Variants in CERKL observed in about 807,000 individuals in gnomAD.
The protein encoded by CERKL is CERK like autophagy regulator.
A neutral mutation model predicts 63.4 loss-of-function variants in CERKL; 61 were observed. The observed-to-expected ratio is 0.96, with a 90% CI of 0.78 to 1.19. The LOEUF (loss-of-function observed/expected upper bound fraction) is 1.19, where lower values mean the gene tolerates loss of function less well. Among genes scored for constraint, CERKL ranks in the 50% most tolerant of loss-of-function variants. The pLI, the probability that CERKL is intolerant of heterozygous loss-of-function variation, is 0.00. For synonymous variants in CERKL, 250 were observed against 230.5 expected (o/e 1.08, Z -0.77); for missense variants, 675 against 655.5 (o/e 1.03, Z -0.33).
intron 1 of CERKL, among the ~76,000 whole-genome samples, chr2:181,637,314 C>CA (rs1263904118): frequency 1.3e-5 from 2 of 151,816 alleles, no homozygotes; most frequent in African/African-American, 2.4e-5. Flanking sequence ...CATTGAAAAA[C>CA]AAAAAACGGA....
chr2:181,635,949 A>G (rs1478900433), intron 1 of CERKL, among the ~76,000 whole-genome samples: 1 of 152,204 alleles, frequency 6.6e-6, no homozygotes, highest in Non-Finnish European at 1.5e-5. Context: ...TTCTGAAAAT[A>G]GAGCGCTTTA....
intron 1 of CERKL, among the ~76,000 whole-genome samples, chr2:181,630,345 C>T (rs1485765279): frequency 2.0e-5 from 3 of 151,704 alleles, no homozygotes; most frequent in Non-Finnish European, 4.4e-5. Flanking sequence ...CACACCTGGC[C>T]AAAATCCACT....
chr2:181,557,032 T>C (rs1435854408), intron 5 of CERKL, among the ~76,000 whole-genome samples: 3 of 152,238 alleles, frequency 2.0e-5, no homozygotes, highest in African/African-American at 4.8e-5. Flanking sequence ...TTTGGCTGCA[T>C]AAATGTCTTC....
intron 1 of CERKL, among the ~76,000 whole-genome samples, chr2:181,652,925 C>T (rs1244295134): frequency 6.6e-6 from 1 of 152,114 alleles, no homozygotes; most frequent in African/African-American, 2.4e-5. Context: ...CAGGCATGTG[C>T]CACCACACCC....
At chr2:181,618,498 C>T (rs1363326291) in intron 1 of CERKL, among the ~76,000 whole-genome samples, 1 of 151,930 alleles carries the variant, frequency 6.6e-6, no homozygotes, top group Admixed American at 6.6e-5. Context: ...CTCACGGCAA[C>T]CTCCATCTCC....
intron 5 of CERKL, among the ~76,000 whole-genome samples, chr2:181,552,655 A>G (rs1688034850): frequency 6.6e-6 from 1 of 152,154 alleles, no homozygotes; most frequent in African/African-American, 2.4e-5. Flanking sequence ...ATATACTTGG[A>G]AATTTCTAAG....
At chr2:181,639,041 G>A (rs935087) in intron 1 of CERKL, among the ~76,000 whole-genome samples, 107,670 of 152,118 alleles carry the variant, frequency 0.71, 38,818 homozygotes, top group East Asian at 0.92. Context: ...ATAGCCATCA[G>A]CTATAATATG....
intron 12 of CERKL, 65 bp from the exon 13 acceptor site, chr2:181,538,309 T>C (rs1375504650): frequency 9.0e-6 from 8 of 892,176 alleles, no homozygotes; most frequent in Admixed American, 7.4e-5. Flanking sequence ...CTAATAAGTA[T>C]GGTACACAAT....
chr2:181,575,159 C>T (rs1689074800), intron 2 of CERKL, among the ~76,000 whole-genome samples: 1 of 152,182 alleles, frequency 6.6e-6, no homozygotes, highest in African/African-American at 2.4e-5. Flanking sequence ...GGGGACCATG[C>T]CCAGGCATGC....
intron 3 of CERKL, among the ~76,000 whole-genome samples, chr2:181,569,202 A>G (rs1688797696): frequency 1.3e-5 from 2 of 152,148 alleles, no homozygotes; most frequent in South Asian, 4.1e-4. Context: ...GACTGGCCAT[A>G]TACACCCACA....
chr2:181,537,172 A>C lies in CERKL; in HGVS notation c.*1012T>G, dbSNP rs2105780381. On this transcript the variant is annotated 3_prime_UTR_variant, in exon 13 of 13. Transcript: ENST00000410087. Reference sequence around the variant, plus strand: ...AAAGGCTAGTCATTCTTTCAGGAGAACATCTAGGATCATAGATGAAAAATC... The same window carrying C: ...AAAGGCTAGTCATTCTTTCAGGAGACCATCTAGGATCATAGATGAAAAATC... 2.2e-6 allele frequency: 1 copy of C among 453,964 alleles called. No individual in the cohort carries two copies. Among genetic ancestry groups the C allele is most frequent in the South Asian group, 1.6e-5 (1 of 64,464 alleles). The allele number at this position is 453,964 out of a possible 1,614,324, so 28.1% of individuals were successfully genotyped here. A position where few individuals can be genotyped will look rare whatever the true frequency, so the allele number is the denominator to read the frequency against.
Position 181,635,035 on chromosome 2 carries a change from G to A in CERKL, c.238+21734C>T, listed in dbSNP as rs144621096. Among the ~76,000 whole-genome samples the A allele has an allele frequency of 1.3e-3, 193 of 152,238 alleles. 2 individuals are homozygous for A. Among genetic ancestry groups the A allele is most frequent in the African/African-American group, 4.3e-3 (178 of 41,558 alleles). ...ATTCCATAGTTTTCCTAATTGTTGG[G>A]ACTCATATTATTCTCTAAGAAGGTC... On this transcript the variant is annotated intron_variant, in intron 1 of 12. Transcript: ENST00000410087.
rs745776257 is a variant in CERKL, at chr2:181,539,135, C to T, written c.1495G>A (p.Val499Ile). Reference protein sequence around the residue: ...TASENCFPWNVDGDLMEVASE... With the variant: ...TASENCFPWNIDGDLMEVASE... ...GCAACTTCCATTAAGTCACCATCTA[C>T]ATTCCAAGGGAAACAATTTTCTGAA... The change falls in exon 12 of 13, where the codon GTA becomes ATA. Residue 499 changes from valine (V) to isoleucine (I), a missense_variant. Physicochemically the swap from Val to Ile is conservative, Grantham distance 29 (BLOSUM62 3). Transcript: ENST00000410087. 1.9e-6 allele frequency: 3 copies of T among 1,608,784 alleles called. No homozygotes were observed. Among genetic ancestry groups the T allele is most frequent in the Non-Finnish European group, 2.6e-6 (3 of 1,175,452 alleles).
chr2:181,654,088 A>G (rs1472714417), intron 1 of CERKL, among the ~76,000 whole-genome samples: 2 of 152,056 alleles, frequency 1.3e-5, no homozygotes, highest in Non-Finnish European at 2.9e-5. Flanking sequence ...CAGCTGTTGG[A>G]TCTGGTTGAG....
At chr2:181,616,627 A>G (rs914410811) in intron 1 of CERKL, among the ~76,000 whole-genome samples, 13 of 152,352 alleles carry the variant, frequency 8.5e-5, no homozygotes. Context: ...TTAATCATAA[A>G]TACCACATAA....
At chr2:181,577,232 C>T (rs541330274) in intron 2 of CERKL, among the ~76,000 whole-genome samples, 3 of 152,088 alleles carry the variant, frequency 2.0e-5, no homozygotes, top group Non-Finnish European at 4.4e-5. Flanking sequence ...GGAGTAATGT[C>T]AGAGAGAGTG....
At chr2:181,642,693 A>T (rs1291121394) in intron 1 of CERKL, among the ~76,000 whole-genome samples, 1 of 152,184 alleles carries the variant, frequency 6.6e-6, no homozygotes, top group East Asian at 1.9e-4. Flanking sequence ...TATATGAAAA[A>T]TAGAGTTATA....
chr2:181,592,011 GA>G (rs560107084), intron 2 of CERKL, among the ~76,000 whole-genome samples: 23 of 152,130 alleles, frequency 1.5e-4, no homozygotes, highest in Non-Finnish European at 2.8e-4. Flanking sequence ...GAAACAGGTT[GA>G]AAAGCCACAT....
chr2:181,650,070 G>A (rs1252821345), intron 1 of CERKL: 1 of 119,544 alleles, frequency 8.4e-6, no homozygotes, highest in East Asian at 3.0e-4. Context: ...GGGAGACAAA[G>A]CAATACAGAA....
Sources: allele counts gnomAD v4.1 joint callset (sites outside exome capture counted in the v4.1 genomes callset), GRCh38; gene constraint gnomAD v4.1.1; transcripts MANE v1.5; gene names NCBI Gene and HGNC (gene_info 2026-07-23, HGNC 2026-07-21).